MARCHF1: variants seen among roughly 807,000 people sequenced by gnomAD.
MARCHF1 encodes the protein E3 ubiquitin-protein ligase MARCHF1.
MARCHF1 carries 40 observed loss-of-function variants against 54.2 expected under a neutral mutation model. The ratio of observed to expected loss-of-function variants is 0.74; its 90% confidence interval spans 0.57 to 0.96. The LOEUF is 0.96. MARCHF1 is among the 40% of genes least tolerant of loss of function. MARCHF1 has a pLI of 0.00. For synonymous variants in MARCHF1, 236 were observed against 236.3 expected (o/e 1.00, Z 0.01); for missense variants, 586 against 656.5 (o/e 0.89, Z 1.17).
At chr4:164,128,657 A>T (rs1416272611) in intron 1 of MARCHF1, among the ~76,000 whole-genome samples, 6 of 152,196 alleles carry the variant, frequency 3.9e-5, no homozygotes. Flanking sequence ...AACAATGTTT[A>T]TATACACATA....
chr4:164,216,928 G>A (rs1442424450), intron 1 of MARCHF1, among the ~76,000 whole-genome samples: 1 of 152,028 alleles, frequency 6.6e-6, no homozygotes, highest in African/African-American at 2.4e-5. Context: ...TGATTACAAT[G>A]ACCAAATTTA....
chr4:164,061,307 C>T (rs1234999063), intron 2 of MARCHF1, among the ~76,000 whole-genome samples: 1 of 151,122 alleles, frequency 6.6e-6, no homozygotes, highest in African/African-American at 2.4e-5. Flanking sequence ...TACAGCTTTC[C>T]CCACTTTTAT....
At chr4:163,949,533 C>T (rs763499120) in intron 3 of MARCHF1, among the ~76,000 whole-genome samples, 24 of 152,210 alleles carry the variant, frequency 1.6e-4, no homozygotes, top group Non-Finnish European at 2.5e-4. Context: ...TGCCATTCAG[C>T]GGGTCGCAAG....
At chr4:163,738,745 TCACTGTCATAAAGACA>T in intron 4 of MARCHF1, among the ~76,000 whole-genome samples, 1 of 152,164 alleles carries the variant, frequency 6.6e-6, no homozygotes, top group Non-Finnish European at 1.5e-5. Flanking sequence ...TAAAAATACT[TCACTGTCATAAAGACA>T]AAAGCCACAG....
chr4:163,806,933 A>G (rs539546084), intron 4 of MARCHF1, among the ~76,000 whole-genome samples: 1 of 152,334 alleles, frequency 6.6e-6, no homozygotes, highest in African/African-American at 2.4e-5. Flanking sequence ...AATGTAGCAG[A>G]AAGAAAAAAT....
chr4:164,286,714 A>ATAATG (rs1734159294), intron 1 of MARCHF1, among the ~76,000 whole-genome samples: 1 of 148,742 alleles, frequency 6.7e-6, no homozygotes, highest in Non-Finnish European at 1.5e-5. Flanking sequence ...TATTATATAT[A>ATAATG]TATTTTATAT....
chr4:164,324,117 C>A (rs1735212848), intron 1 of MARCHF1, among the ~76,000 whole-genome samples: 1 of 151,458 alleles, frequency 6.6e-6, no homozygotes, highest in Admixed American at 6.6e-5. Flanking sequence ...AGATTAATAC[C>A]CCATGACCCA....
chr4:163,719,929 C>T (rs1010586186), intron 4 of MARCHF1, among the ~76,000 whole-genome samples: 6 of 151,890 alleles, frequency 4.0e-5, no homozygotes, highest in Non-Finnish European at 7.4e-5. Context: ...GGATATTAGC[C>T]CTTTGTCAGA....
rs1441771062 is a variant in MARCHF1 at position 164,372,038 on chromosome 4, G to A, written c.-323+11832C>T. 2.0e-5 allele frequency among the ~76,000 whole-genome samples: 3 copies of A among 152,280 alleles called. No individual in the cohort carries two copies. The South Asian group carries it at 6.2e-4, about 32-fold the overall frequency. On this transcript the variant is annotated intron_variant, in intron 1 of 9. Transcript: ENST00000514618. ...CAAGGCTGCCAGTGATGGCGCCACG[G>A]CATTCCAGCCTGGGTGACAGAGGGA...
intron 2 of MARCHF1, among the ~76,000 whole-genome samples, chr4:164,022,848 C>A (rs1191412465): frequency 2.0e-5 from 3 of 152,204 alleles, no homozygotes; most frequent in African/African-American, 7.2e-5. Context: ...ACTCCTAGGG[C>A]CCCTGCCTGG....
At position 164,242,073 on chromosome 4, in the gene MARCHF1, C is replaced by G. The variant is rs369882277; in HGVS notation, c.-322-130411G>C. On this transcript the variant is annotated intron_variant, in intron 1 of 9. Coordinates refer to ENST00000514618, the MANE Select transcript of MARCHF1 (RefSeq NM_001394959.1). ...GGGAGGGGCGCCCGCCATTGCCCAGCCTTGATTAGGTAAACAAAGCAGCCT... is the reference window on the plus strand; with the variant it reads ...GGGAGGGGCGCCCGCCATTGCCCAGGCTTGATTAGGTAAACAAAGCAGCCT... Among the ~76,000 whole-genome samples the G allele has an allele frequency of 3.9e-3, 595 of 152,226 alleles. 4 individuals carry two copies. The highest frequency in any genetic ancestry group is 0.013 in the African/African-American group (546 of 41,554).
At chr4:163,980,516 T>C (rs112044669) in intron 3 of MARCHF1, among the ~76,000 whole-genome samples, 1,557 of 151,892 alleles carry the variant, frequency 0.01, 24 homozygotes, top group African/African-American at 0.032. Flanking sequence ...AATTGACAAA[T>C]GGGATCTAAT....
At chr4:163,558,786 TAG>T (rs1287230797) in intron 8 of MARCHF1, among the ~76,000 whole-genome samples, 2 of 152,170 alleles carry the variant, frequency 1.3e-5, no homozygotes, top group Admixed American at 6.5e-5. Flanking sequence ...GAGCGTGCCC[TAG>T]AGAGAGGGTG....
At chr4:164,159,044 A>G (rs1039659384) in intron 1 of MARCHF1, among the ~76,000 whole-genome samples, 2 of 152,198 alleles carry the variant, frequency 1.3e-5, no homozygotes, top group Non-Finnish European at 2.9e-5. Flanking sequence ...GGTTAAGAAC[A>G]CAGGCTCTGC....
At chr4:163,658,240 T>C (rs12640290) in intron 5 of MARCHF1, among the ~76,000 whole-genome samples, 49,738 of 151,676 alleles carry the variant, frequency 0.33, 9,283 homozygotes, top group African/African-American at 0.5. Flanking sequence ...AAAAAGTGGA[T>C]AAAGGACATC....
At chr4:164,106,334 T>C (rs1369633725) in intron 2 of MARCHF1, among the ~76,000 whole-genome samples, 3 of 63,352 alleles carry the variant, frequency 4.7e-5, no homozygotes, top group Non-Finnish European at 6.4e-5. Context: ...TATTGCGGCA[T>C]TATTCACAAT....
At chr4:163,704,189 T>C (rs566011443) in intron 4 of MARCHF1, among the ~76,000 whole-genome samples, 41 of 151,770 alleles carry the variant, frequency 2.7e-4, no homozygotes, top group Admixed American at 5.3e-4. Context: ...TAATCTGATA[T>C]TCTGCAATTT....
chr4:163,681,338 C>T (rs1326527061), intron 5 of MARCHF1, among the ~76,000 whole-genome samples: 3 of 152,154 alleles, frequency 2.0e-5, no homozygotes, highest in African/African-American at 7.2e-5. Context: ...AAGGGAAGCT[C>T]TTTAGGAAAA....
At chr4:164,266,684 C>G (rs371341092) in intron 1 of MARCHF1, among the ~76,000 whole-genome samples, 5 of 152,208 alleles carry the variant, frequency 3.3e-5, no homozygotes, top group East Asian at 1.9e-4. Flanking sequence ...TTGCCCATTT[C>G]AGGAGAAATC....
Sources: gnomAD v4.1 joint callset for allele counts (sites outside exome capture counted in the v4.1 genomes callset) on GRCh38, gnomAD v4.1.1 for gene constraint, MANE v1.5 for transcripts, NCBI Gene and HGNC (gene_info 2026-07-23, HGNC 2026-07-21) for gene names.